CYP2C8: variants seen among roughly 807,000 people sequenced by gnomAD.
CYP2C8 encodes cytochrome P450 family 2 subfamily C member 8, also known as cytochrome P450 2C8.
Under a neutral mutation model 41.3 loss-of-function variants are expected in CYP2C8, and 51 were observed. That is an observed-to-expected ratio of 1.24 (90% CI 0.99 to 1.56). The LOEUF (loss-of-function observed/expected upper bound fraction) is 1.56. CYP2C8 is among the 40% of genes most tolerant of loss of function. The probability of loss-of-function intolerance (pLI) is 0.00; values close to 1 mark genes in which losing one functional copy is unlikely to be tolerated. For missense variants in CYP2C8, 651 were observed against 579.9 expected (o/e 1.12, Z -1.26); for synonymous variants, 218 against 205.8 (o/e 1.06, Z -0.51).
At position 95,054,890 on chromosome 10, in the gene CYP2C8, TAAG is replaced by T. The variant is rs60905940; in HGVS notation, c.819+3442_819+3444del. On this transcript the variant is annotated intron_variant, in intron 5 of 8. Transcript: ENST00000371270. ...AACTATGAAATGTTGCTTAGAAAAA[TAAG>T]GAGTATCTAAATAAATGGCAAACCA... 1.0e-2 allele frequency among the ~76,000 whole-genome samples: 1,519 copies of T among 151,976 alleles called. 25 individuals carry two copies. Among genetic ancestry groups the T allele is most frequent in the African/African-American group, 0.035 (1,434 of 41,472 alleles).
Position 95,036,778 on chromosome 10 carries a change from AGCAAT to A in CYP2C8, c.*345_*349del. 3.1e-6 allele frequency: 1 copy of A among 319,152 alleles called. No homozygotes were observed. Among genetic ancestry groups the A allele is most frequent in the South Asian group, 2.9e-5 (1 of 34,528 alleles). The allele number at this position is 319,152 out of a possible 1,614,324, so 19.8% of individuals were successfully genotyped here. On this transcript the variant is annotated 3_prime_UTR_variant, in exon 9 of 9. Coordinates refer to ENST00000371270, the MANE Select transcript of CYP2C8 (RefSeq NM_000770.3). Reference sequence around the variant, plus strand: ...AGAGGGAAAGTCTGAGAACTGAACCAGCAATTAATAACACTTTTTATTTAGCACAT... The same window carrying A: ...AGAGGGAAAGTCTGAGAACTGAACCATAATAACACTTTTTATTTAGCACAT...
At chr10:95,051,468 C>T (rs12246157) in intron 5 of CYP2C8, among the ~76,000 whole-genome samples, 45,212 of 151,698 alleles carry the variant, frequency 0.3, 7,626 homozygotes, top group African/African-American at 0.46. Flanking sequence ...AGAGAACTTT[C>T]CAAAACTAGA....
At chr10:95,063,609 T>C (rs117072179) in intron 4 of CYP2C8, among the ~76,000 whole-genome samples, 4,269 of 152,300 alleles carry the variant, frequency 0.028, 96 homozygotes, top group Non-Finnish European at 0.046. Context: ...TTGGAGAAAT[T>C]TGATCATCTG....
chr10:95,044,492 G>A (rs920264131), intron 6 of CYP2C8, among the ~76,000 whole-genome samples: 5 of 152,260 alleles, frequency 3.3e-5, no homozygotes, highest in African/African-American at 1.2e-4. Context: ...GGCAAAATAC[G>A]GAGGTCTTTT....
At chr10:95,066,153 A>AGAGAGAGTGTGTGT (rs1342809282) in intron 3 of CYP2C8, among the ~76,000 whole-genome samples, 29 of 88,272 alleles carry the variant, frequency 3.3e-4, no homozygotes, top group South Asian at 8.3e-4. Flanking sequence ...AGAGAGAGAG[A>AGAGAGAGTGTGTGT]GTGTGTGTGT....
intron 4 of CYP2C8, among the ~76,000 whole-genome samples, chr10:95,062,390 T>A (rs1012109844): frequency 6.6e-6 from 1 of 152,234 alleles, no homozygotes; most frequent in East Asian, 1.9e-4. Flanking sequence ...TTTACCATTA[T>A]GTAATGGCCT....
intron 3 of CYP2C8, among the ~76,000 whole-genome samples, chr10:95,066,168 G>A (rs2033563175): frequency 7.1e-6 from 1 of 141,218 alleles, no homozygotes; most frequent in South Asian, 2.2e-4. Flanking sequence ...GTGTGTGTGT[G>A]TGTGTGTGTG....
At chr10:95,042,417 A>G (rs2033021653) in intron 7 of CYP2C8, among the ~76,000 whole-genome samples, 1 of 152,162 alleles carries the variant, frequency 6.6e-6, no homozygotes, top group East Asian at 1.9e-4. Flanking sequence ...AAAAAATTAA[A>G]AAATTATAAC....
chr10:95,043,540 AT>A (rs2033050355), intron 6 of CYP2C8, among the ~76,000 whole-genome samples: 1 of 152,070 alleles, frequency 6.6e-6, no homozygotes, highest in African/African-American at 2.4e-5. Context: ...TCCATTTCCA[AT>A]TGTGGCCACT....
chr10:95,042,834 C>T (rs1273150760), intron 7 of CYP2C8, 56 bp downstream of exon 7: 1 of 1,478,584 alleles, frequency 6.8e-7, no homozygotes, highest in African/African-American at 1.4e-5. Flanking sequence ...GGAACCAAAC[C>T]AGCACTATGG....
rs1394907544 is a variant in CYP2C8, at chr10:95,058,459, T to C, written c.695A>G (p.Lys232Arg). 2 of 1,613,342 alleles carry C rather than the reference T, an allele frequency of 1.2e-6. No homozygotes were observed. Among genetic ancestry groups the C allele is most frequent in the Admixed American group, 1.7e-5 (1 of 59,868 alleles). Residue 232 changes from lysine (K) to arginine (R), a missense_variant, in exon 5 of 9, where the codon AAA becomes AGA. Transcript: ENST00000371270. Reference sequence around the variant, plus strand: ...TGTAAGAGCAACATTTTTAAGCACTTTGTTGTGAGTTCCTGGGAAACAATC... The same window carrying C: ...TGTAAGAGCAACATTTTTAAGCACTCTGTTGTGAGTTCCTGGGAAACAATC... ...LIDCFPGTHN[K>R]VLKNVALTRS...
chr10:95,043,035 C>G lies in CYP2C8; in HGVS notation c.1004G>C (p.Arg335Thr). The G allele has an allele frequency of 6.2e-7, 1 of 1,614,176 alleles. No individual in the cohort carries two copies. Among genetic ancestry groups the G allele is most frequent in the South Asian group, 1.1e-5 (1 of 91,074 alleles). The stretch of plus-strand genomic sequence containing the variant: ...GCTCCTATCCTGCATGCAGGGGCTC[C>G]TGTGTCTGCCAATTACATGATCAAT... ...EEIDHVIGRHRSPCMQDRSHM... is the reference protein window; with the variant it reads ...EEIDHVIGRHTSPCMQDRSHM... The change falls in exon 7 of 9, where the codon AGG becomes ACG. Residue 335 changes from arginine (R) to threonine (T), a missense_variant. Coordinates refer to ENST00000371270, the MANE Select transcript of CYP2C8 (RefSeq NM_000770.3).
At chr10:95,053,478 G>A (rs1041243066) in intron 5 of CYP2C8, among the ~76,000 whole-genome samples, 1 of 152,094 alleles carries the variant, frequency 6.6e-6, no homozygotes, top group Admixed American at 6.6e-5. Flanking sequence ...TGTGTTTATT[G>A]CAGCACTATT....
rs1054009907 is a variant in CYP2C8 at position 95,036,906 on chromosome 10, A to G, written c.*222T>C. 5 of 583,770 alleles carry G rather than the reference A, an allele frequency of 8.6e-6. No individual in the cohort carries two copies. The highest frequency in any genetic ancestry group is 8.3e-5 in the Admixed American group (3 of 36,204). 36.2% of individuals were successfully genotyped at this position (583,770 alleles called of 1,614,324 possible). A position where few individuals can be genotyped will look rare whatever the true frequency, so the allele number is the denominator to read the frequency against. ...AAGTCAGCATTAGAAAAGTATTAGC[A>G]TATGCAGCAATTAATACAAGTGTTA... On this transcript the variant is annotated 3_prime_UTR_variant, in exon 9 of 9. Transcript: ENST00000371270.
At chr10:95,045,401 CA>C (rs2134413377) in intron 6 of CYP2C8, among the ~76,000 whole-genome samples, 1 of 152,270 alleles carries the variant, frequency 6.6e-6, no homozygotes, top group African/African-American at 2.4e-5. Flanking sequence ...ACTTATGCTT[CA>C]ATAAAGATTG....
At chr10:95,053,583 G>A (rs146000329) in intron 5 of CYP2C8, among the ~76,000 whole-genome samples, 1,729 of 152,252 alleles carry the variant, frequency 0.011, 13 homozygotes, top group Non-Finnish European at 0.018. Flanking sequence ...GTACTATGCA[G>A]CCATAAAAAA....
chr10:95,046,197 T>G (rs961889983), intron 5 of CYP2C8, among the ~76,000 whole-genome samples: 8 of 152,202 alleles, frequency 5.3e-5, no homozygotes, highest in Non-Finnish European at 1.2e-4. Context: ...CACAGAATAT[T>G]TCTTTCCCCA....
intron 5 of CYP2C8, 133 bp downstream of exon 5, chr10:95,058,202 C>T (rs2033347986): frequency 7.4e-7 from 1 of 1,348,412 alleles, no homozygotes; most frequent in Non-Finnish European, 1.0e-6. Flanking sequence ...CCCATAAATA[C>T]AATAAGTAAT....
rs2033032078 is a variant in CYP2C8 at position 95,042,938 on chromosome 10, G to A, written c.1101C>T (p.Pro367=). 6.2e-7 allele frequency: 1 copy of A among 1,613,962 alleles called. No individual in the cohort carries two copies. The highest frequency in any genetic ancestry group is 8.5e-7 in the Non-Finnish European group (1 of 1,179,976). ...RYSDLVPTGV[P]HAVTTDTKFR... ...ACTTAGTATCAGTGGTCACTGCATG[G>A]GGCACACCGGTGGGGACAAGGTCAC... Residue 367 remains proline (P), a synonymous_variant, in exon 7 of 9, where the codon CCC becomes CCT. Coordinates refer to ENST00000371270, the MANE Select transcript of CYP2C8 (RefSeq NM_000770.3).
Sources: gnomAD v4.1 joint callset for allele counts (sites outside exome capture counted in the v4.1 genomes callset) on GRCh38, gnomAD v4.1.1 for gene constraint, MANE v1.5 for transcripts, NCBI Gene and HGNC (gene_info 2026-07-23, HGNC 2026-07-21) for gene names.